The following IPO7 variants were observed in gnomAD, a reference collection of about 807,000 sequenced individuals.
IPO7 encodes importin 7, also known as importin-7.
IPO7 carries 13 observed loss-of-function variants against 136.4 expected under a neutral mutation model. The observed-to-expected ratio is 0.10, with a 90% confidence interval of 0.06 to 0.15. The LOEUF is 0.15. Among genes scored for constraint, IPO7 ranks in the 10% least tolerant of loss-of-function variants. IPO7 has a pLI of 1.00. For missense variants in IPO7, 857 were observed against 1,240.6 expected, an observed-to-expected ratio of 0.69 and a Z score of 4.65; for synonymous variants, 403 against 404.4, an observed-to-expected ratio of 1.00 and a Z score of 0.04.
chr11:9,406,720 A>C lies in IPO7; in HGVS notation c.167-1766A>C, dbSNP rs1285191391. Reference sequence around the variant, plus strand: ...ACCCTGTCTCTACTAAAAATACAAAAAAATTAGCCGGGTGGTAGTGGCATG... The same window carrying C: ...ACCCTGTCTCTACTAAAAATACAAACAAATTAGCCGGGTGGTAGTGGCATG... On this transcript the variant is annotated intron_variant, in intron 2 of 24. Transcript: ENST00000379719. Among the ~76,000 whole-genome samples, 3 of 152,154 alleles carry C rather than the reference A, an allele frequency of 2.0e-5. No individual in the cohort carries two copies. In the East Asian group the frequency reaches 5.8e-4, roughly 29 times the overall value.
intron 8 of IPO7, 143 bp downstream of exon 8, chr11:9,420,841 C>A (rs12418581): frequency 0.48 from 288,333 of 600,562 alleles, 76,605 homozygotes; most frequent in Non-Finnish European, 0.56. Flanking sequence ...GTCTCAGGAT[C>A]TCTTTATGTT....
At chr11:9,429,947 C>A in intron 15 of IPO7, 113 bp downstream of exon 15, 1 of 671,508 alleles carries the variant, frequency 1.5e-6, no homozygotes, top group South Asian at 2.1e-5. Flanking sequence ...CTTTTTGGCA[C>A]CTGGGATCGG....
intron 4 of IPO7, among the ~76,000 whole-genome samples, chr11:9,413,465 TATA>T (rs1854997206): frequency 6.6e-6 from 1 of 152,120 alleles, no homozygotes; most frequent in Admixed American, 6.5e-5. Flanking sequence ...TTTACGCAAA[TATA>T]ATCAAATACT....
intron 24 of IPO7, among the ~76,000 whole-genome samples, chr11:9,442,648 C>T (rs1238315153): frequency 6.6e-6 from 1 of 152,064 alleles, no homozygotes; most frequent in African/African-American, 2.4e-5. Context: ...CTCCTGACCT[C>T]ATGACCCGCC....
At chr11:9,427,531 A>G (rs1331022199) in intron 12 of IPO7, among the ~76,000 whole-genome samples, 1 of 152,244 alleles carries the variant, frequency 6.6e-6, no homozygotes, top group Non-Finnish European at 1.5e-5. Flanking sequence ...AAATGCTGGG[A>G]TTACAGGCGT....
intron 12 of IPO7, among the ~76,000 whole-genome samples, chr11:9,426,729 T>C (rs1855214385): frequency 6.6e-6 from 1 of 152,128 alleles, no homozygotes; most frequent in Non-Finnish European, 1.5e-5. Flanking sequence ...TCAAATTCCT[T>C]GCCCCAAAAA....
Position 9,406,453 on chromosome 11 carries a change from A to G in IPO7, c.167-2033A>G, listed in dbSNP as rs1208765032. 2.0e-5 allele frequency among the ~76,000 whole-genome samples: 3 copies of G among 152,206 alleles called. No homozygotes were observed. In the East Asian group the frequency reaches 5.8e-4, roughly 29 times the overall value. ...TTTAGGAGTGATATTAATAAATTCTAGAGACTTGGTTATGTGTATTAGAAA... is the reference window on the plus strand; with the variant it reads ...TTTAGGAGTGATATTAATAAATTCTGGAGACTTGGTTATGTGTATTAGAAA... On this transcript the variant is annotated intron_variant, in intron 2 of 24. Coordinates refer to ENST00000379719, the MANE Select transcript of IPO7 (RefSeq NM_006391.3).
At chr11:9,424,440 G>A (rs1349162797) in intron 10 of IPO7, among the ~76,000 whole-genome samples, 4 of 152,150 alleles carry the variant, frequency 2.6e-5, no homozygotes, top group Non-Finnish European at 5.9e-5. Context: ...GGAATTCATG[G>A]ATTAACATTT....
intron 4 of IPO7, among the ~76,000 whole-genome samples, chr11:9,411,910 A>G (rs577624737): frequency 2.2e-4 from 34 of 152,222 alleles, no homozygotes; most frequent in South Asian, 4.1e-4. Flanking sequence ...TATCTGATGT[A>G]GAACAAGTAT....
chr11:9,441,510 C>A (rs142156775), intron 23 of IPO7, among the ~76,000 whole-genome samples: 1 of 152,072 alleles, frequency 6.6e-6, no homozygotes, highest in Non-Finnish European at 1.5e-5. Context: ...ATCTGATAAC[C>A]AAGGATTTGA....
chr11:9,404,770 A>G (rs947579510), intron 2 of IPO7, among the ~76,000 whole-genome samples: 1 of 151,616 alleles, frequency 6.6e-6, no homozygotes, highest in Admixed American at 6.6e-5. Context: ...GTTTCACCGT[A>G]TTTGCCAGGA....
chr11:9,387,977 G>T (rs1159688266), intron 1 of IPO7, among the ~76,000 whole-genome samples: 1 of 138,450 alleles, frequency 7.2e-6, no homozygotes, highest in African/African-American at 2.7e-5. Flanking sequence ...GAGAAACCCC[G>T]TCTCTACTAA....
chr11:9,417,461 G>A (rs572713596), intron 6 of IPO7, among the ~76,000 whole-genome samples: 1 of 152,062 alleles, frequency 6.6e-6, no homozygotes, highest in African/African-American at 2.4e-5. Context: ...CTGGCTCTTA[G>A]CCTAGTTAAT....
At chr11:9,391,590 C>G (rs1464698932) in intron 1 of IPO7, among the ~76,000 whole-genome samples, 3 of 152,110 alleles carry the variant, frequency 2.0e-5, no homozygotes, top group East Asian at 1.9e-4. Flanking sequence ...GCCTGTAGTT[C>G]CACCTACTCA....
At chr11:9,400,290 G>A (rs893486417) in intron 1 of IPO7, among the ~76,000 whole-genome samples, 12 of 152,244 alleles carry the variant, frequency 7.9e-5, no homozygotes, top group African/African-American at 2.9e-4. Context: ...TTTTATTGCA[G>A]TTATCTATTT....
chr11:9,440,736 A>C (rs914743101), intron 23 of IPO7, 75 bp downstream of exon 23: 4 of 1,183,596 alleles, frequency 3.4e-6, no homozygotes, highest in Non-Finnish European at 5.0e-6. Flanking sequence ...CTTTAAAGGA[A>C]GAGTTTGGAG....
chr11:9,391,479 G>A (rs1854632343), intron 1 of IPO7, among the ~76,000 whole-genome samples: 1 of 152,090 alleles, frequency 6.6e-6, no homozygotes, highest in South Asian at 2.1e-4. Flanking sequence ...AGGCTGAGGT[G>A]GGTGGATCAT....
At position 9,389,436 on chromosome 11, in the gene IPO7, T is replaced by A. The variant is rs117318002; in HGVS notation, c.84+4589T>A. Among the ~76,000 whole-genome samples, 715 of 152,320 alleles carry A rather than the reference T, an allele frequency of 4.7e-3. 1 individual carries two copies. Among genetic ancestry groups the A allele is most frequent in the Non-Finnish European group, 7.5e-3 (513 of 68,024 alleles). On this transcript the variant is annotated intron_variant, in intron 1 of 24. Transcript: ENST00000379719. ...AGTCTGGTTCATGTAACAGCAAATG[T>A]CTGTGTGCTAGGCACTGAGCTAAGT...
rs1389282512 is a variant in IPO7, at chr11:9,440,479, A to T, written c.2720A>T (p.Asp907Val). 1 of 1,613,650 alleles carries T rather than the reference A, an allele frequency of 6.2e-7. No homozygotes were observed. The highest frequency in any genetic ancestry group is 1.3e-5 in the African/African-American group (1 of 74,920). Residue 907 changes from aspartate to valine, a missense_variant, in exon 23 of 25, where the codon GAT becomes GTT. Physicochemically the swap from Asp to Val is radical, Grantham distance 152 (BLOSUM62 -3). Around this residue, in one of 11 missense-constraint regions of IPO7, gnomAD observed 119 missense variants for 155.5 expected, o/e 0.77. Coordinates refer to ENST00000379719, the MANE Select transcript of IPO7 (RefSeq NM_006391.3). Reference protein sequence around the residue: ...ETEELGSDEDDIDEDGQEYLE... With the variant: ...ETEELGSDEDVIDEDGQEYLE... The stretch of plus-strand genomic sequence containing the variant: ...GAGGAACTGGGGAGTGATGAAGATG[A>T]TATTGATGAAGATGGGCAAGAATAT...
Sources: gnomAD v4.1 joint callset for allele counts (sites outside exome capture counted in the v4.1 genomes callset) on GRCh38, gnomAD v4.1.1 for gene constraint, gnomAD v4.1.1 regional missense constraint, MANE v1.5 for transcripts, NCBI Gene and HGNC (gene_info 2026-07-23, HGNC 2026-07-21) for gene names.